CD274: variants seen among roughly 807,000 people sequenced by gnomAD.
The protein encoded by CD274 is CD274 molecule.
Under a neutral mutation model 30.1 loss-of-function variants are expected in CD274, and 8 were observed. The observed-to-expected ratio is 0.27, with a 90% CI of 0.16 to 0.48. CD274 has a LOEUF of 0.48. CD274 is among the 20% of genes least tolerant of loss of function. The probability of loss-of-function intolerance (pLI) is 0.99; values close to 1 mark genes in which losing one functional copy is unlikely to be tolerated. For synonymous variants in CD274, 152 were observed against 124.6 expected (o/e 1.22, Z -1.46); for missense variants, 353 against 346.6 (o/e 1.02, Z -0.15).
chr9:5,452,990 A>C (rs1341028479), intron 1 of CD274, among the ~76,000 whole-genome samples: 2 of 151,898 alleles, frequency 1.3e-5, no homozygotes, highest in Middle Eastern at 3.4e-3. Context: ...TTATAACTGT[A>C]CAGTTATAAA....
rs2131212149 is a variant in CD274 at position 5,457,273 on chromosome 9, C to A, written c.247C>A (p.Gln83Lys). 6.2e-7 allele frequency: 1 copy of A among 1,614,072 alleles called. No homozygotes were observed. Among genetic ancestry groups the A allele is most frequent in the Admixed American group, 1.7e-5 (1 of 59,960 alleles). Residue 83 changes from glutamine to lysine, a missense_variant, in exon 3 of 7, where the codon CAG (glutamine) becomes AAG (lysine). Gln to Lys is a moderately conservative substitution (Grantham distance 53). Transcript: ENST00000381577. ...GAAGGTTCAGCATAGTAGCTACAGACAGAGGGCCCGGCTGTTGAAGGACCA... is the reference window on the plus strand; with the variant it reads ...GAAGGTTCAGCATAGTAGCTACAGAAAGAGGGCCCGGCTGTTGAAGGACCA... ...DLKVQHSSYR[Q>K]RARLLKDQLS...
intron 3 of CD274, among the ~76,000 whole-genome samples, chr9:5,460,080 G>C (rs1048581296): frequency 6.6e-6 from 1 of 151,982 alleles, no homozygotes; most frequent in Admixed American, 6.6e-5. Flanking sequence ...CATCCCCAGG[G>C]CCTGATATAC....
chr9:5,460,314 A>G (rs900804130), intron 3 of CD274, among the ~76,000 whole-genome samples: 10 of 152,178 alleles, frequency 6.6e-5, no homozygotes, highest in African/African-American at 2.4e-4. Context: ...TGCTACTGCT[A>G]CTATCGAGTA....
At chr9:5,466,982 G>T (rs941357750) in intron 6 of CD274, among the ~76,000 whole-genome samples, 153 bp downstream of exon 6, 1 of 152,014 alleles carries the variant, frequency 6.6e-6, no homozygotes, top group African/African-American at 2.4e-5. Flanking sequence ...CTCCTCCACC[G>T]TCTGAGGAGG....
rs1308702945 is a variant in CD274 at position 5,450,900 on chromosome 9, GAATATAGC to G, written c.-15+305_-15+312del. ...TCATTCTTATGCGACTGTGTGTTCAGAATATAGCTCTGATGCTAGGCTGGAGGTCTGGA... is the reference window on the plus strand; with the variant it reads ...TCATTCTTATGCGACTGTGTGTTCAGTCTGATGCTAGGCTGGAGGTCTGGA... On this transcript the variant is annotated intron_variant, in intron 1 of 6. Transcript: ENST00000381577. Among the ~76,000 whole-genome samples, 3 of 152,352 alleles carry G rather than the reference GAATATAGC, an allele frequency of 2.0e-5. No individual in the cohort carries two copies. In the South Asian group the frequency reaches 6.2e-4, roughly 32 times the overall value.
intron 6 of CD274, among the ~76,000 whole-genome samples, chr9:5,467,202 AAGAGAGAG>A (rs79234686): frequency 1.1e-4 from 16 of 149,360 alleles, no homozygotes; most frequent in East Asian, 2.0e-4. Flanking sequence ...GCCATTACCA[AAGAGAGAG>A]AGAGAGAGAG....
chr9:5,463,182 A>T (rs990693776), intron 4 of CD274, 61 bp downstream of exon 4: 1 of 1,245,440 alleles, frequency 8.0e-7, no homozygotes, highest in Admixed American at 1.8e-5. Context: ...ACCTAGCATG[A>T]TGTCTGCCTA....
At chr9:5,456,233 A>G (rs968518521) in intron 2 of CD274, 68 bp downstream of exon 2, 4 of 1,026,870 alleles carry the variant, frequency 3.9e-6, no homozygotes, top group African/African-American at 3.2e-5. Flanking sequence ...TAAAACTAAA[A>G]TGATCATTTA....
rs746108940 is a variant in CD274 at position 5,456,100 on chromosome 9, G to A, written c.-14G>A. 9 of 1,581,954 alleles carry A rather than the reference G, an allele frequency of 5.7e-6. No homozygotes were observed. Among genetic ancestry groups the A allele is most frequent in the African/African-American group, 2.7e-5 (2 of 74,140 alleles). ...TTCTTTTCGTGTTTTCCATAATTAG[G>A]GCATTCCAGAAAGATGAGGATATTT... On this transcript the variant is annotated splice_region_variant and 5_prime_UTR_variant, in exon 2 of 7. Transcript: ENST00000381577.
chr9:5,453,252 C>T (rs2131204375), intron 1 of CD274, among the ~76,000 whole-genome samples: 1 of 152,188 alleles, frequency 6.6e-6, no homozygotes, highest in South Asian at 2.1e-4. Context: ...TATCTTTTAA[C>T]ATGAAGGACT....
chr9:5,455,212 T>C (rs543239371), intron 1 of CD274, among the ~76,000 whole-genome samples: 24 of 152,164 alleles, frequency 1.6e-4, no homozygotes, highest in Non-Finnish European at 3.4e-4. Context: ...AATGCACAGA[T>C]TGGCTGAAAT....
At chr9:5,456,362 T>C (rs1389873473) in intron 2 of CD274, among the ~76,000 whole-genome samples, 197 bp downstream of exon 2, 1 of 152,206 alleles carries the variant, frequency 6.6e-6, no homozygotes, top group Non-Finnish European at 1.5e-5. Flanking sequence ...TTTGTAAAAA[T>C]ATAGAGAATA....
Position 5,470,170 on chromosome 9 carries a change from G to A in CD274, c.*2308G>A, listed in dbSNP as rs1819565868. 1 of 232,938 alleles carries A rather than the reference G, an allele frequency of 4.3e-6. No homozygotes were observed. The highest frequency in any genetic ancestry group is 8.5e-6 in the Non-Finnish European group (1 of 117,902). 14.4% of individuals were successfully genotyped at this position (232,938 alleles called of 1,614,324 possible). Reference sequence around the variant, plus strand: ...GTACCTTGGCTTTGCCACATGTCAAGGCTGAAGAAACAGTGTCTCCAACAG... The same window carrying A: ...GTACCTTGGCTTTGCCACATGTCAAAGCTGAAGAAACAGTGTCTCCAACAG... On this transcript the variant is annotated 3_prime_UTR_variant, in exon 7 of 7. Transcript: ENST00000381577.
rs1481655837 is a variant in CD274, at chr9:5,469,227, C to T, written c.*1365C>T. 4.3e-6 allele frequency: 1 copy of T among 232,710 alleles called. No individual in the cohort carries two copies. Among genetic ancestry groups the T allele is most frequent in the Non-Finnish European group, 8.5e-6 (1 of 117,824 alleles). 14.4% of individuals were successfully genotyped at this position (232,710 alleles called of 1,614,324 possible). ...TATATTTATTCCTGATTTGCCTTTG[C>T]CATATAATCTAATGCTTGTTTATAT... On this transcript the variant is annotated 3_prime_UTR_variant, in exon 7 of 7. Transcript: ENST00000381577.
intron 5 of CD274, chr9:5,465,811 G>A (rs1489982488): frequency 4.8e-6 from 2 of 413,276 alleles, no homozygotes; most frequent in Non-Finnish European, 8.7e-6. Context: ...GGGTATGGAT[G>A]GAGGTAGAAG....
At chr9:5,452,433 A>C (rs987481030) in intron 1 of CD274, among the ~76,000 whole-genome samples, 1 of 152,060 alleles carries the variant, frequency 6.6e-6, no homozygotes, top group African/African-American at 2.4e-5. Context: ...CACTTCCCCA[A>C]CCTGAATGAG....
At position 5,465,440 on chromosome 9, in the gene CD274, C is replaced by A. The variant is rs556678185; in HGVS notation, c.683-59C>A. On this transcript the variant is annotated intron_variant, in intron 4 of 6. Coordinates refer to ENST00000381577, the MANE Select transcript of CD274 (RefSeq NM_014143.4). ...CTTCAAGGATGACCATTCTCCTGAC[C>A]CCTTCCCATCAAAATTTTATCTTTA... The A allele has an allele frequency of 7.3e-6, 7 of 963,284 alleles. No individual in the cohort carries two copies. The East Asian group carries it at 1.4e-4, about 20-fold the overall frequency. 59.7% of individuals were successfully genotyped at this position (963,284 alleles called of 1,614,324 possible).
In CD274 at chr9:5,469,524, T is replaced by C. The variant is rs1428047301; in HGVS notation, c.*1662T>C. 1.3e-5 allele frequency: 3 copies of C among 231,420 alleles called. No individual in the cohort carries two copies. Among genetic ancestry groups the C allele is most frequent in the African/African-American group, 6.6e-5 (3 of 45,268 alleles). 14.3% of individuals were successfully genotyped at this position (231,420 alleles called of 1,614,324 possible). A position where few individuals can be genotyped will look rare whatever the true frequency, so the allele number is the denominator to read the frequency against. On this transcript the variant is annotated 3_prime_UTR_variant, in exon 7 of 7. Transcript: ENST00000381577. ...TTTTCCTAAATAGTAACACATTGTATGTCTGCTGTGTACTTTGCTATTTTT... is the reference window on the plus strand; with the variant it reads ...TTTTCCTAAATAGTAACACATTGTACGTCTGCTGTGTACTTTGCTATTTTT...
rs2131231695 is a variant in CD274 at position 5,466,240 on chromosome 9, T to C, written c.791-530T>C. On this transcript the variant is annotated intron_variant, in intron 5 of 6. Coordinates refer to ENST00000381577, the MANE Select transcript of CD274 (RefSeq NM_014143.4). Reference sequence around the variant, plus strand: ...TAGGGAAGTAGAATATGGAAGGGGATTCCAATAGTCGTTGAAAAATTCCCC... The same window carrying C: ...TAGGGAAGTAGAATATGGAAGGGGACTCCAATAGTCGTTGAAAAATTCCCC... Among the ~76,000 whole-genome samples, 3 of 152,258 alleles carry C rather than the reference T, an allele frequency of 2.0e-5. No individual in the cohort carries two copies. The East Asian group carries it at 5.8e-4, about 29-fold the overall frequency.
Sources: gnomAD v4.1 joint callset for allele counts (sites outside exome capture counted in the v4.1 genomes callset) on GRCh38, gnomAD v4.1.1 for gene constraint, MANE v1.5 for transcripts, NCBI Gene and HGNC (gene_info 2026-07-23, HGNC 2026-07-21) for gene names.